Variants in INPP4B observed in about 807,000 individuals in gnomAD.
INPP4B encodes the protein inositol polyphosphate-4-phosphatase type II B.
In INPP4B, 55 loss-of-function variants were observed where a neutral mutation model predicts 122.5. The observed-to-expected ratio is 0.45, with a 90% CI of 0.36 to 0.56. The LOEUF is 0.56. Among genes scored for constraint, INPP4B ranks in the 20% least tolerant of loss-of-function variants. The pLI, the probability that INPP4B is intolerant of heterozygous loss-of-function variation, is 0.00. For synonymous variants in INPP4B, 403 were observed against 388.7 expected (o/e 1.04, Z -0.43); for missense variants, 1,000 against 1,097.7 (o/e 0.91, Z 1.26).
intron 1 of INPP4B, among the ~76,000 whole-genome samples, chr4:142,826,793 A>G (rs1264131926): frequency 6.6e-6 from 1 of 152,206 alleles, no homozygotes; most frequent in Admixed American, 6.6e-5. Flanking sequence ...ACATACAGAA[A>G]GAGTGAATGA....
intron 2 of INPP4B, among the ~76,000 whole-genome samples, chr4:142,504,140 G>A (rs1823719693): frequency 6.6e-6 from 1 of 151,934 alleles, no homozygotes; most frequent in African/African-American, 2.4e-5. Context: ...CAAGCAAATG[G>A]TATACTAAGG....
At chr4:142,062,809 A>T (rs966176703) in intron 25 of INPP4B, among the ~76,000 whole-genome samples, 3 of 150,966 alleles carry the variant, frequency 2.0e-5, no homozygotes, top group Non-Finnish European at 3.0e-5. Flanking sequence ...TTTTAGATGA[A>T]TATACTCCTT....
chr4:142,171,346 C>G (rs1825549351), intron 16 of INPP4B, among the ~76,000 whole-genome samples: 1 of 151,776 alleles, frequency 6.6e-6, no homozygotes, highest in African/African-American at 2.4e-5. Flanking sequence ...CCTAAGAAAA[C>G]AACACTAGGT....
At chr4:142,363,736 C>T (rs1786356536) in intron 7 of INPP4B, among the ~76,000 whole-genome samples, 1 of 151,986 alleles carries the variant, frequency 6.6e-6, no homozygotes, top group African/African-American at 2.4e-5. Flanking sequence ...GGTGGTGTCT[C>T]ATATATAATG....
At chr4:142,128,726 C>T (rs951898192) in intron 18 of INPP4B, among the ~76,000 whole-genome samples, 11 of 152,108 alleles carry the variant, frequency 7.2e-5, no homozygotes, top group South Asian at 2.1e-4. Context: ...CTTGCTTCTC[C>T]GGCATATTCA....
chr4:142,760,678 T>C (rs1282273918), intron 1 of INPP4B, among the ~76,000 whole-genome samples: 3 of 152,260 alleles, frequency 2.0e-5, no homozygotes, highest in Middle Eastern at 6.8e-3. Flanking sequence ...ATTCTACCTA[T>C]TCTTATATTA....
intron 10 of INPP4B, among the ~76,000 whole-genome samples, chr4:142,268,403 C>T (rs1744075981): frequency 6.9e-6 from 1 of 144,908 alleles, no homozygotes; most frequent in African/African-American, 2.5e-5. Flanking sequence ...AACCCTTATG[C>T]ACTGTTGAGA....
intron 16 of INPP4B, among the ~76,000 whole-genome samples, chr4:142,167,972 T>C (rs1823643441): frequency 6.6e-6 from 1 of 151,438 alleles, no homozygotes; most frequent in African/African-American, 2.4e-5. Context: ...TAGCAGGATT[T>C]TTTTTTTTTC....
intron 2 of INPP4B, among the ~76,000 whole-genome samples, chr4:142,685,842 C>G (rs564061844): frequency 2.2e-4 from 33 of 152,108 alleles, no homozygotes; most frequent in African/African-American, 7.5e-4. Flanking sequence ...AGACAACTGA[C>G]TTAAATAGGT....
At chr4:142,099,774 C>T (rs545825589) in intron 23 of INPP4B, among the ~76,000 whole-genome samples, 2 of 152,140 alleles carry the variant, frequency 1.3e-5, no homozygotes, top group Non-Finnish European at 2.9e-5. Flanking sequence ...ATATGTTTTG[C>T]TTAGGTCATT....
intron 1 of INPP4B, among the ~76,000 whole-genome samples, chr4:142,771,878 T>C (rs1343493723): frequency 6.6e-6 from 1 of 152,168 alleles, no homozygotes; most frequent in Non-Finnish European, 1.5e-5. Context: ...AGAGCTAAAA[T>C]AATGAAGTTA....
intron 1 of INPP4B, among the ~76,000 whole-genome samples, chr4:142,777,919 A>G (rs1774187532): frequency 6.6e-6 from 1 of 152,190 alleles, no homozygotes; most frequent in African/African-American, 2.4e-5. Flanking sequence ...AAAACTCAGT[A>G]TGAAATGAAA....
intron 23 of INPP4B, among the ~76,000 whole-genome samples, chr4:142,095,306 T>G (rs927077647): frequency 6.6e-6 from 1 of 152,122 alleles, no homozygotes; most frequent in Admixed American, 6.6e-5. Flanking sequence ...AAAGAGTGAA[T>G]GTTTGGAAGA....
intron 9 of INPP4B, among the ~76,000 whole-genome samples, chr4:142,280,358 G>C (rs1033724538): frequency 6.6e-6 from 1 of 151,858 alleles, no homozygotes; most frequent in Non-Finnish European, 1.5e-5. Context: ...TATTAATTTG[G>C]CAATAAAAAG....
intron 18 of INPP4B, among the ~76,000 whole-genome samples, chr4:142,129,013 G>C (rs3775653): frequency 6.6e-6 from 1 of 151,982 alleles, no homozygotes; most frequent in South Asian, 2.1e-4. Flanking sequence ...TGTTATTTCC[G>C]TTATCGCAAC....
intron 1 of INPP4B, among the ~76,000 whole-genome samples, chr4:142,833,673 C>T (rs923021872): frequency 6.6e-6 from 1 of 151,674 alleles, no homozygotes; most frequent in African/African-American, 2.4e-5. Context: ...GTTATCCAGG[C>T]TGGACTCAAA....
Position 142,256,008 on chromosome 4 carries a change from A to C in INPP4B, c.688+4484T>G, listed in dbSNP as rs370645574. ...ACAGAAATTATAACAAACTGTCTCTAAGACCACAGTGCAATCAAACTAGAA... is the reference window on the plus strand; with the variant it reads ...ACAGAAATTATAACAAACTGTCTCTCAGACCACAGTGCAATCAAACTAGAA... On this transcript the variant is annotated intron_variant, in intron 11 of 25. Coordinates refer to ENST00000262992, the MANE Select transcript of INPP4B (RefSeq NM_001101669.3). 5.3e-5 allele frequency among the ~76,000 whole-genome samples: 8 copies of C among 150,558 alleles called. No individual in the cohort carries two copies. The South Asian group carries it at 8.9e-4, about 17-fold the overall frequency.
chr4:142,232,168 T>G (rs1854669383), intron 12 of INPP4B, among the ~76,000 whole-genome samples: 1 of 152,194 alleles, frequency 6.6e-6, no homozygotes, highest in African/African-American at 2.4e-5. Context: ...TCATATTGTA[T>G]TTACTAATTT....
Position 142,395,660 on chromosome 4 carries a change from C to T in INPP4B, c.372+7278G>A, listed in dbSNP as rs191670157. ...GGCCAAGATGTGGAGACAACCTAAA[C>T]GTTCATCAGTATATGAGTGGATAAA... On this transcript the variant is annotated intron_variant, in intron 7 of 25. Coordinates refer to ENST00000262992, the MANE Select transcript of INPP4B (RefSeq NM_001101669.3). Among the ~76,000 whole-genome samples the T allele has an allele frequency of 1.6e-3, 245 of 152,194 alleles. 2 individuals are homozygous for T. The highest frequency in any genetic ancestry group is 5.6e-3 in the African/African-American group (231 of 41,526).
Sources: allele counts gnomAD v4.1 joint callset (sites outside exome capture counted in the v4.1 genomes callset), GRCh38; gene constraint gnomAD v4.1.1; transcripts MANE v1.5; gene names NCBI Gene and HGNC (gene_info 2026-07-23, HGNC 2026-07-21).